PHACTR2: variants seen among roughly 807,000 people sequenced by gnomAD.
PHACTR2 encodes phosphatase and actin regulator 2.
PHACTR2 carries 30 observed loss-of-function variants against 76.0 expected under a neutral mutation model. That is an observed-to-expected ratio of 0.39 (90% CI 0.30 to 0.54). PHACTR2 has a LOEUF of 0.54. Ranked by LOEUF, PHACTR2 falls within the 20% of genes least tolerant of loss-of-function variation. PHACTR2 has a pLI of 0.61. For synonymous variants in PHACTR2, 292 were observed against 292.5 expected (o/e 1.00, Z 0.02); for missense variants, 696 against 781.1 (o/e 0.89, Z 1.30).
chr6:143,642,504 A>G (rs1394950575), intron 1 of PHACTR2, among the ~76,000 whole-genome samples: 1 of 152,104 alleles, frequency 6.6e-6, no homozygotes, highest in African/African-American at 2.4e-5. Context: ...TGATTGTGTT[A>G]TGGATTGAGC....
At position 143,547,510 on chromosome 6, in the gene PHACTR2, T is replaced by C. The variant is rs1352047780; in HGVS notation, c.217+10303T>C. Among the ~76,000 whole-genome samples, 1 of 152,222 alleles carries C rather than the reference T, an allele frequency of 6.6e-6. No individual in the cohort carries two copies. The highest frequency in any genetic ancestry group is 1.5e-5 in the Non-Finnish European group (1 of 68,040). On this transcript the variant is annotated intron_variant, in intron 1 of 11. Transcript: ENST00000367584. The surrounding 1 kb of genome is among the most constrained non-coding windows in gnomAD (Gnocchi z 4.2). ...GCTAACCAAGCAGATCAGTTGGAACTGTTAACACAGTGACTGTGAGATCTA... is the reference window on the plus strand; with the variant it reads ...GCTAACCAAGCAGATCAGTTGGAACCGTTAACACAGTGACTGTGAGATCTA...
chr6:143,780,454 A>T lies in PHACTR2; in HGVS notation c.1646-2765A>T, dbSNP rs1188232436. Among the ~76,000 whole-genome samples the T allele has an allele frequency of 6.6e-6, 1 of 152,320 alleles. No individual in the cohort carries two copies. Among genetic ancestry groups the T allele is most frequent in the Non-Finnish European group, 1.5e-5 (1 of 68,034 alleles). ...TAGTGAGATCTCATCTCCACCAAAA[A>T]TTGAAAAAACAAAACATCTACATGG... On this transcript the variant is annotated intron_variant, in intron 9 of 12. Coordinates refer to ENST00000440869, the MANE Select transcript of PHACTR2 (RefSeq NM_001100164.2). This position sits in a 1 kb window ranked among gnomAD's most constrained non-coding sequence, Gnocchi z 4.4.
intron 2 of PHACTR2, among the ~76,000 whole-genome samples, chr6:143,712,858 A>G (rs751040436): frequency 2.0e-5 from 3 of 152,180 alleles, no homozygotes; most frequent in Non-Finnish European, 4.4e-5. Context: ...GATTTGTGAA[A>G]CCTTAAAAGT....
chr6:143,702,865 C>G (rs1174358678), intron 1 of PHACTR2, among the ~76,000 whole-genome samples: 2 of 138,430 alleles, frequency 1.4e-5, no homozygotes, highest in Non-Finnish European at 3.0e-5. Context: ...ATCATGGCTT[C>G]AGGGCAACAT....
rs559202165 is a variant in PHACTR2, at chr6:143,782,770, G to A, written c.1646-449G>A. On this transcript the variant is annotated intron_variant, in intron 9 of 12. Transcript: ENST00000440869. The surrounding 1 kb of genome is among the most constrained non-coding windows in gnomAD (Gnocchi z 4.6). ...AAATCAGCAGCTCAGACATGCATCG[G>A]ATGGTTCTAATTTGCTCTTTTAATA... Among the ~76,000 whole-genome samples, 3 of 152,282 alleles carry A rather than the reference G, an allele frequency of 2.0e-5. No homozygotes were observed. The highest frequency in any genetic ancestry group is 2.0e-4 in the Admixed American group (3 of 15,296).
intron 1 of PHACTR2, among the ~76,000 whole-genome samples, chr6:143,567,078 C>T (rs996875451): frequency 3.3e-5 from 5 of 152,098 alleles, no homozygotes; most frequent in Non-Finnish European, 7.4e-5. Flanking sequence ...CTACACGTCG[C>T]GCTCCTTTCT....
At chr6:143,719,552 G>A (rs1778392834) in intron 2 of PHACTR2, among the ~76,000 whole-genome samples, 1 of 149,258 alleles carries the variant, frequency 6.7e-6, no homozygotes, top group African/African-American at 2.5e-5. Flanking sequence ...GTTTCACCAT[G>A]TTAGCCAGGC....
intron 2 of PHACTR2, among the ~76,000 whole-genome samples, chr6:143,726,970 A>G (rs932092934): frequency 1.3e-5 from 2 of 152,156 alleles, no homozygotes; most frequent in African/African-American, 4.8e-5. Flanking sequence ...CCTCTTTTCT[A>G]GCTGTTTTGT....
rs1292604752 is a variant in PHACTR2, at chr6:143,647,600, G to C, written c.13+39278G>C. Among the ~76,000 whole-genome samples, 1 of 152,184 alleles carries C rather than the reference G, an allele frequency of 6.6e-6. No individual in the cohort carries two copies. Among genetic ancestry groups the C allele is most frequent in the East Asian group, 1.9e-4 (1 of 5,196 alleles). Reference sequence around the variant, plus strand: ...GGCGGGAAAGAAGAGAAAATAGAGAGACAGAGAATCATGGGGTTTTGACTT... The same window carrying C: ...GGCGGGAAAGAAGAGAAAATAGAGACACAGAGAATCATGGGGTTTTGACTT... On this transcript the variant is annotated intron_variant, in intron 1 of 11. Transcript: ENST00000305766. This position sits in a 1 kb window ranked among gnomAD's most constrained non-coding sequence, Gnocchi z 4.2.
rs532618714 is a variant in PHACTR2 at position 143,547,852 on chromosome 6, T to C, written c.217+10645T>C. On this transcript the variant is annotated intron_variant, in intron 1 of 11. Coordinates refer to the PHACTR2 transcript ENST00000367584. This position sits in a 1 kb window ranked among gnomAD's most constrained non-coding sequence, Gnocchi z 4.2. ...TCCAGGGATTGATCTAACTCTCTCT[T>C]GCCCGCTGTATCTATGTATGTATGT... is the stretch of plus-strand genomic sequence containing the variant. 2.6e-5 allele frequency among the ~76,000 whole-genome samples: 4 copies of C among 152,186 alleles called. No individual in the cohort carries two copies. The highest frequency in any genetic ancestry group is 5.9e-5 in the Non-Finnish European group (4 of 68,032).
intron 1 of PHACTR2, among the ~76,000 whole-genome samples, chr6:143,649,126 A>G (rs1384454991): frequency 6.6e-6 from 1 of 151,876 alleles, no homozygotes; most frequent in Non-Finnish European, 1.5e-5. Flanking sequence ...CCTGTGCTTG[A>G]CCAACCATCA....
intron 1 of PHACTR2, among the ~76,000 whole-genome samples, chr6:143,690,311 G>C (rs1266052527): frequency 1.3e-5 from 2 of 152,154 alleles, no homozygotes; most frequent in Non-Finnish European, 2.9e-5. Flanking sequence ...TGAGCCCACT[G>C]TCCAGCTGTT....
At chr6:143,600,486 A>C (rs894416022) in intron 1 of PHACTR2, among the ~76,000 whole-genome samples, 1 of 152,262 alleles carries the variant, frequency 6.6e-6, no homozygotes, top group African/African-American at 2.4e-5. Flanking sequence ...GTATAGGTAC[A>C]GTTCTTAAAA....
chr6:143,684,116 C>A lies in PHACTR2; in HGVS notation c.46+5907C>A, dbSNP rs561653471. Among the ~76,000 whole-genome samples, 2 of 152,076 alleles carry A rather than the reference C, an allele frequency of 1.3e-5. No homozygotes were observed. The highest frequency in any genetic ancestry group is 4.8e-5 in the African/African-American group (2 of 41,382). ...TTGCATATGTATATGCTCTTATGAA[C>A]AATACTGAAATGAACATCCATATCT... On this transcript the variant is annotated intron_variant, in intron 1 of 12. Transcript: ENST00000440869. The surrounding 1 kb of genome is among the most constrained non-coding windows in gnomAD (Gnocchi z 4.3).
intron 4 of PHACTR2, among the ~76,000 whole-genome samples, chr6:143,758,480 T>A (rs971020438): frequency 6.6e-6 from 1 of 152,188 alleles, no homozygotes; most frequent in African/African-American, 2.4e-5. Flanking sequence ...ATATTTTAAG[T>A]TAAAATTAAA....
intron 1 of PHACTR2, among the ~76,000 whole-genome samples, chr6:143,567,140 T>C (rs1286140259): frequency 2.0e-5 from 3 of 152,172 alleles, no homozygotes; most frequent in Non-Finnish European, 4.4e-5. Context: ...CTTTCACTTC[T>C]TTAATTCACT....
rs188206038 is a variant in PHACTR2, at chr6:143,819,447, G to C, written c.1923-4227G>C. ...AAGATATATGTATATAGATATATGA[G>C]AGGGGATTTATTAGGGCAATTGGCT... On this transcript the variant is annotated intron_variant, in intron 12 of 12. Coordinates refer to ENST00000440869, the MANE Select transcript of PHACTR2 (RefSeq NM_001100164.2). This position sits in a 1 kb window ranked among gnomAD's most constrained non-coding sequence, Gnocchi z 5.0. Among the ~76,000 whole-genome samples the C allele has an allele frequency of 1.8e-3, 280 of 152,324 alleles. 1 individual carries two copies. In the Middle Eastern group the frequency reaches 0.031, roughly 17 times the overall value.
chr6:143,605,343 C>A (rs1011978593), upstream of PHACTR2, among the ~76,000 whole-genome samples: 2 of 152,206 alleles, frequency 1.3e-5, no homozygotes, highest in Non-Finnish European at 2.9e-5. This position sits in a 1 kb window ranked among gnomAD's most constrained non-coding sequence, Gnocchi z 5.0. Flanking sequence ...TTATCGATGC[C>A]TCTACCATGC....
chr6:143,823,542 T>C lies in PHACTR2; in HGVS notation c.1923-132T>C. The stretch of plus-strand genomic sequence containing the variant: ...ACAGTATTTTGTTATGACAGAAATT[T>C]GTAAACAGTAATTCAGTTGGGGGAT... On this transcript the variant is annotated intron_variant, in intron 12 of 12. Transcript: ENST00000440869. This position sits in a 1 kb window ranked among gnomAD's most constrained non-coding sequence, Gnocchi z 5.7. 1 of 628,392 alleles carries C rather than the reference T, an allele frequency of 1.6e-6. No individual in the cohort carries two copies. The allele number at this position is 628,392 out of a possible 1,614,324, so 38.9% of individuals were successfully genotyped here.
Sources: gnomAD v4.1 joint callset for allele counts (sites outside exome capture counted in the v4.1 genomes callset) on GRCh38, gnomAD v4.1.1 for gene constraint, Gnocchi (gnomAD v3.1) non-coding constraint, MANE v1.5 for transcripts, NCBI Gene and HGNC (gene_info 2026-07-23, HGNC 2026-07-21) for gene names.